The following CLASP2 variants were observed in gnomAD, a reference collection of about 807,000 sequenced individuals.
CLASP2 encodes the protein CLIP-associating protein 2.
Under a neutral mutation model 194.4 loss-of-function variants are expected in CLASP2, and 47 were observed. That is an observed-to-expected ratio of 0.24 (90% CI 0.19 to 0.31). The LOEUF is 0.31. Ranked by LOEUF, CLASP2 falls within the 10% of genes least tolerant of loss-of-function variation. The pLI is 1.00. For missense variants in CLASP2, 1,445 were observed against 1,823.6 expected (o/e 0.79, Z 3.78); for synonymous variants, 619 against 633.5 (o/e 0.98, Z 0.34).
At chr3:33,650,068 C>T (rs2082925859) in intron 7 of CLASP2, among the ~76,000 whole-genome samples, 1 of 152,018 alleles carries the variant, frequency 6.6e-6, no homozygotes, top group Non-Finnish European at 1.5e-5. Flanking sequence ...AGGAAAAGAC[C>T]CACTTAAAAT....
intron 11 of CLASP2, 103 bp from the exon 12 acceptor site, chr3:33,619,841 G>T: frequency 9.9e-7 from 1 of 1,008,526 alleles, no homozygotes; most frequent in Non-Finnish European, 1.3e-6. Context: ...TTAGGAATTT[G>T]TATTTTAATC....
chr3:33,696,841 C>G lies in CLASP2; in HGVS notation c.274+14G>C. ...AATCTTATTTAGAATTGTAAATAAACAAAGTTAACTTACCCATTGCTACAT... is the reference window on the plus strand; with the variant it reads ...AATCTTATTTAGAATTGTAAATAAAGAAAGTTAACTTACCCATTGCTACAT... On this transcript the variant is annotated intron_variant, in intron 2 of 38. Coordinates refer to ENST00000682230, the MANE Select transcript of CLASP2 (RefSeq NM_001365631.1). 1 of 1,521,794 alleles carries G rather than the reference C, an allele frequency of 6.6e-7. No individual in the cohort carries two copies. Among genetic ancestry groups the G allele is most frequent in the Non-Finnish European group, 9.0e-7 (1 of 1,112,608 alleles). 94.3% of individuals were successfully genotyped at this position (1,521,794 alleles called of 1,614,324 possible).
At chr3:33,599,119 ATTT>A (rs1420525945) in intron 18 of CLASP2, among the ~76,000 whole-genome samples, 1 of 151,710 alleles carries the variant, frequency 6.6e-6, no homozygotes, top group Non-Finnish European at 1.5e-5. Context: ...TTATTTATTT[ATTT>A]ATTTATTTAT....
intron 21 of CLASP2, among the ~76,000 whole-genome samples, chr3:33,589,170 A>C (rs1266952784): frequency 6.6e-6 from 1 of 152,162 alleles, no homozygotes; most frequent in African/African-American, 2.4e-5. Context: ...AGATGCACCA[A>C]GAAAAACAAA....
intron 9 of CLASP2, among the ~76,000 whole-genome samples, chr3:33,631,498 C>T (rs1338953687): frequency 6.6e-6 from 1 of 152,096 alleles, no homozygotes; most frequent in Non-Finnish European, 1.5e-5. Context: ...GAGTTCGAGA[C>T]CAGCCTGACC....
At chr3:33,641,011 T>C (rs978217306) in intron 8 of CLASP2, among the ~76,000 whole-genome samples, 1 of 152,166 alleles carries the variant, frequency 6.6e-6, no homozygotes, top group South Asian at 2.1e-4. Context: ...GATGGCAGTA[T>C]AGCAAAGTGA....
At chr3:33,604,116 TAA>T in intron 17 of CLASP2, 36 bp downstream of exon 17, 1 of 1,454,260 alleles carries the variant, frequency 6.9e-7, no homozygotes, top group South Asian at 1.2e-5. Context: ...GTTTCAAAGA[TAA>T]AATAGGTTAT....
chr3:33,512,906 C>T (rs2050319238), intron 36 of CLASP2, among the ~76,000 whole-genome samples: 1 of 151,786 alleles, frequency 6.6e-6, no homozygotes, highest in South Asian at 2.1e-4. Flanking sequence ...AGGAGAATCG[C>T]TTGAACCCAG....
At chr3:33,588,669 A>T in intron 21 of CLASP2, 1 of 700,878 alleles carries the variant, frequency 1.4e-6, no homozygotes, top group Non-Finnish European at 2.6e-6. Context: ...AGGTGATCAA[A>T]CAACAGATGC....
Position 33,573,144 on chromosome 3 carries a change from G to A in CLASP2, c.2665C>T (p.Leu889=). 6.2e-7 allele frequency: 1 copy of A among 1,613,658 alleles called. No individual in the cohort carries two copies. Residue 889 remains leucine, a synonymous_variant, in exon 25 of 39, where the codon CTG becomes TTG. Transcript: ENST00000682230. ...CTCTGATTTTTTAATAAGTTCTGCA[G>A]ACCTAGGAGGCCTTCTTTCCTTTCT... ...WSERKEGLLG[L]QNLLKNQRTL...
intron 8 of CLASP2, among the ~76,000 whole-genome samples, chr3:33,642,098 A>C (rs1367757761): frequency 2.0e-5 from 3 of 152,000 alleles, no homozygotes; most frequent in Non-Finnish European, 2.9e-5. Context: ...AACATAAAAA[A>C]GAATTTGTTT....
intron 21 of CLASP2, among the ~76,000 whole-genome samples, chr3:33,590,202 C>T (rs2068416306): frequency 6.6e-6 from 1 of 151,982 alleles, no homozygotes; most frequent in Admixed American, 6.6e-5. Flanking sequence ...TCATTTAATC[C>T]TCACAACAAT....
intron 2 of CLASP2, among the ~76,000 whole-genome samples, chr3:33,690,522 C>T (rs1382456312): frequency 1.3e-5 from 2 of 152,314 alleles, no homozygotes; most frequent in African/African-American, 4.8e-5. Flanking sequence ...TATCATCATT[C>T]TGCATGTTCA....
intron 33 of CLASP2, among the ~76,000 whole-genome samples, chr3:33,536,220 C>T (rs924714678): frequency 1.3e-5 from 2 of 151,108 alleles, no homozygotes; most frequent in Non-Finnish European, 2.9e-5. Flanking sequence ...CGATGCCTAC[C>T]CCAGTGGAGT....
intron 26 of CLASP2, 33 bp from the exon 27 acceptor site, chr3:33,566,767 CAAAAAGAA>C (rs771054632): frequency 9.4e-6 from 4 of 423,738 alleles, no homozygotes; most frequent in Non-Finnish European, 1.9e-5. Context: ...GGACAGCATG[CAAAAAGAA>C]AAAAAGAAAA....
chr3:33,548,126 T>C (rs997412245), intron 30 of CLASP2, among the ~76,000 whole-genome samples: 1 of 152,178 alleles, frequency 6.6e-6, no homozygotes, highest in African/African-American at 2.4e-5. Flanking sequence ...GTTCTATTCA[T>C]GCTATCTATT....
chr3:33,651,995 C>T (rs2083301270), intron 7 of CLASP2, among the ~76,000 whole-genome samples: 1 of 152,046 alleles, frequency 6.6e-6, no homozygotes, highest in South Asian at 2.1e-4. Flanking sequence ...ATTCCAAAAC[C>T]CGAAACTTCT....
At chr3:33,510,803 A>G in intron 36 of CLASP2, 39 bp from the exon 37 acceptor site, 1 of 1,492,582 alleles carries the variant, frequency 6.7e-7, no homozygotes, top group Non-Finnish European at 9.2e-7. Flanking sequence ...AGTAATTTTT[A>G]AAATATTACA....
At chr3:33,499,536 A>G (rs1169956141) in intron 38 of CLASP2, among the ~76,000 whole-genome samples, 2 of 151,804 alleles carry the variant, frequency 1.3e-5, no homozygotes, top group African/African-American at 4.8e-5. Context: ...TTTTTAGTAG[A>G]GATGGGATTT....
Sources: allele counts gnomAD v4.1 joint callset (sites outside exome capture counted in the v4.1 genomes callset), GRCh38; gene constraint gnomAD v4.1.1; transcripts MANE v1.5; gene names NCBI Gene and HGNC (gene_info 2026-07-23, HGNC 2026-07-21).